Variants in ADAMTS10 observed in about 807,000 individuals in gnomAD.
ADAMTS10 encodes ADAM metallopeptidase with thrombospondin type 1 motif 10, also known as A disintegrin and metalloproteinase with thrombospondin motifs 10.
In ADAMTS10, 48 loss-of-function variants were observed where a neutral mutation model predicts 135.9. The ratio of observed to expected loss-of-function variants is 0.35; its 90% CI spans 0.28 to 0.45. The LOEUF (loss-of-function observed/expected upper bound fraction) is 0.45. Among genes scored for constraint, ADAMTS10 ranks in the 20% least tolerant of loss-of-function variants. The pLI is 1.00. For synonymous variants in ADAMTS10, 621 were observed against 647.5 expected, an observed-to-expected ratio of 0.96 and a Z score of 0.62; for missense variants, 1,131 against 1,565.2, an observed-to-expected ratio of 0.72 and a Z score of 4.68.
At chr19:8,598,092 G>A (rs147582190) in intron 6 of ADAMTS10, among the ~76,000 whole-genome samples, 137 of 152,266 alleles carry the variant, frequency 9.0e-4, no homozygotes, top group African/African-American at 3.2e-3. Context: ...GGGATCACAG[G>A]TGTGAGCCAC....
In ADAMTS10 at chr19:8,605,592, C is replaced by T. The variant is rs1555742438; in HGVS notation, c.88+31G>A. 10 of 1,608,894 alleles carry T rather than the reference C, an allele frequency of 6.2e-6. No homozygotes were observed. Among genetic ancestry groups the T allele is most frequent in the Non-Finnish European group, 8.5e-6 (10 of 1,178,100 alleles). ...ACTGGTCTCTTACATTTTTCGCTCC[C>T]TCCCCACCGCCACCACCAGACTTCC... On this transcript the variant is annotated intron_variant, in intron 3 of 25. Coordinates refer to ENST00000597188, the MANE Select transcript of ADAMTS10 (RefSeq NM_030957.4). This position sits in a 1 kb window ranked among gnomAD's most constrained non-coding sequence, Gnocchi z 7.7.
chr19:8,588,255 AT>A lies in ADAMTS10; in HGVS notation c.2158+986del, dbSNP rs1205105884. Among the ~76,000 whole-genome samples the A allele has an allele frequency of 5.5e-3, 816 of 147,658 alleles. 1 individual carries two copies. Among genetic ancestry groups the A allele is most frequent in the African/African-American group, 0.018 (742 of 40,384 alleles). On this transcript the variant is annotated intron_variant, in intron 18 of 25. Coordinates refer to ENST00000597188, the MANE Select transcript of ADAMTS10 (RefSeq NM_030957.4). ...AGATTGAGACTCTGTCTCAAAAAAA[AT>A]TTTTTTTTTTGTAGAGTTGGGGTCT... is the stretch of plus-strand genomic sequence containing the variant.
chr19:8,592,196 T>C, intron 13 of ADAMTS10, 93 bp from the exon 14 acceptor site: 4 of 1,349,722 alleles, frequency 3.0e-6, no homozygotes, highest in South Asian at 1.4e-5. Context: ...CAGCCAGAGA[T>C]ATCAGCCTCT....
At chr19:8,588,484 C>T (rs1216246760) in intron 18 of ADAMTS10, among the ~76,000 whole-genome samples, 1 of 152,086 alleles carries the variant, frequency 6.6e-6, no homozygotes, top group African/African-American at 2.4e-5. Flanking sequence ...CCTGCCTCAC[C>T]TGGACACACT....
At chr19:8,597,681 C>T (rs940796374) in intron 6 of ADAMTS10, among the ~76,000 whole-genome samples, 5 of 152,100 alleles carry the variant, frequency 3.3e-5, no homozygotes, top group Non-Finnish European at 5.9e-5. Flanking sequence ...CGCTCTGTTG[C>T]CCAGGCTGCA....
intron 6 of ADAMTS10, among the ~76,000 whole-genome samples, chr19:8,600,714 G>C (rs999192672): frequency 1.3e-5 from 2 of 151,878 alleles, no homozygotes; most frequent in South Asian, 2.1e-4. Context: ...TAGCCAGGAT[G>C]GTCTCCATCT....
chr19:8,600,390 C>T lies in ADAMTS10; in HGVS notation c.810+538G>A, dbSNP rs1600114919. On this transcript the variant is annotated intron_variant, in intron 6 of 25. Coordinates refer to ENST00000597188, the MANE Select transcript of ADAMTS10 (RefSeq NM_030957.4). Reference sequence around the variant, plus strand: ...TAGTCACTGTGCTTATGCTCTTTCTCCTCCTCGTTCATTGCCATATGCAAC... The same window carrying T: ...TAGTCACTGTGCTTATGCTCTTTCTTCTCCTCGTTCATTGCCATATGCAAC... Among the ~76,000 whole-genome samples the T allele has an allele frequency of 3.3e-5, 5 of 152,278 alleles. No individual in the cohort carries two copies. In the East Asian group the frequency reaches 9.7e-4, roughly 29 times the overall value.
At chr19:8,597,414 AC>A (rs1361440507) in intron 6 of ADAMTS10, 97 bp from the exon 7 acceptor site, 3 of 1,097,320 alleles carry the variant, frequency 2.7e-6, no homozygotes, top group Non-Finnish European at 4.1e-6. Flanking sequence ...TTCATCAGGC[AC>A]CTACTGTGTG....
rs1346617238 is a variant in ADAMTS10, at chr19:8,601,740, G to A, written c.593-595C>T. Among the ~76,000 whole-genome samples, 3 of 152,022 alleles carry A rather than the reference G, an allele frequency of 2.0e-5. No homozygotes were observed. Among genetic ancestry groups the A allele is most frequent in the African/African-American group, 7.2e-5 (3 of 41,394 alleles). ...CAGTGTCCTACTACCTGAGAATATT[G>A]TAGTCTACCATGATGTCACTGTCCC... On this transcript the variant is annotated intron_variant, in intron 5 of 25. Transcript: ENST00000597188. This position sits in a 1 kb window ranked among gnomAD's most constrained non-coding sequence, Gnocchi z 4.6.
Position 8,601,885 on chromosome 19 carries a change from AACTGAACACTTGCATG to A in ADAMTS10, c.593-756_593-741del, listed in dbSNP as rs1232827477. Among the ~76,000 whole-genome samples the A allele has an allele frequency of 6.6e-6, 1 of 152,094 alleles. No individual in the cohort carries two copies. The highest frequency in any genetic ancestry group is 1.5e-5 in the Non-Finnish European group (1 of 68,010). On this transcript the variant is annotated intron_variant, in intron 5 of 25. Coordinates refer to ENST00000597188, the MANE Select transcript of ADAMTS10 (RefSeq NM_030957.4). This position sits in a 1 kb window ranked among gnomAD's most constrained non-coding sequence, Gnocchi z 4.6. ...AGCCTGCCCCGCTGCCCAAATGTCCAACTGAACACTTGCATGACTGTCCCACAGCTAAGCTGGTTGG... is the reference window on the plus strand; with the variant it reads ...AGCCTGCCCCGCTGCCCAAATGTCCAACTGTCCCACAGCTAAGCTGGTTGG...
intron 6 of ADAMTS10, among the ~76,000 whole-genome samples, chr19:8,599,201 GGT>G (rs2042637062): frequency 6.6e-6 from 1 of 152,068 alleles, no homozygotes; most frequent in Non-Finnish European, 1.5e-5. Context: ...TATATCTGAA[GGT>G]GGGTTGGGGA....
Position 8,603,834 on chromosome 19 carries a change from G to A in ADAMTS10, c.486C>T (p.His162=), listed in dbSNP as rs371004693. The change falls in exon 5 of 26, where the codon CAC becomes CAT. Residue 162 remains histidine (H), a synonymous_variant. Coordinates refer to ENST00000597188, the MANE Select transcript of ADAMTS10 (RefSeq NM_030957.4). The stretch of plus-strand genomic sequence containing the variant: ...GGCTCCGAGAACCCTTGGGCCCACC[G>A]TGCAGGGGCTCAATCAGGTACTCTT... ...DEEEYLIEPL[H]GGPKGSRSPE... 1.7e-5 allele frequency: 28 copies of A among 1,613,904 alleles called. No individual in the cohort carries two copies. Among genetic ancestry groups the A allele is most frequent in the Middle Eastern group, 3.3e-4 (2 of 6,082 alleles).
rs1555742527 is a variant in ADAMTS10, at chr19:8,605,773, C to T, written c.-63G>A. The T allele has an allele frequency of 6.5e-7, 1 of 1,548,714 alleles. No homozygotes were observed. Among genetic ancestry groups the T allele is most frequent in the East Asian group, 2.4e-5 (1 of 41,776 alleles). Reference sequence around the variant, plus strand: ...CTGCCGGCAGCCCCCACAGTGCCGCCTCCCCTGTTCACAGCCTTCGCAGCA... The same window carrying T: ...CTGCCGGCAGCCCCCACAGTGCCGCTTCCCCTGTTCACAGCCTTCGCAGCA... On this transcript the variant is annotated 5_prime_UTR_variant, in exon 3 of 26. Coordinates refer to ENST00000597188, the MANE Select transcript of ADAMTS10 (RefSeq NM_030957.4). The surrounding 1 kb of genome is among the most constrained non-coding windows in gnomAD (Gnocchi z 7.7).
At chr19:8,606,794 G>A (rs1453623399) in intron 2 of ADAMTS10, among the ~76,000 whole-genome samples, 1 of 152,142 alleles carries the variant, frequency 6.6e-6, no homozygotes, top group African/African-American at 2.4e-5. Context: ...TGACAGCCAG[G>A]CATGCTAAGG....
chr19:8,592,560 CA>C lies in ADAMTS10; in HGVS notation c.1587+202del, dbSNP rs536008751. On this transcript the variant is annotated intron_variant, in intron 13 of 25. Coordinates refer to ENST00000597188, the MANE Select transcript of ADAMTS10 (RefSeq NM_030957.4). ...GTTAAACAGTAGGCGTGGCCAGAAC[CA>C]AGGGACGCATAGACGGTGGGCGTGG... Among the ~76,000 whole-genome samples the C allele has an allele frequency of 2.7e-5, 4 of 149,386 alleles. No individual in the cohort carries two copies. In the South Asian group the frequency reaches 8.5e-4, roughly 32 times the overall value.
chr19:8,584,442 T>A (rs2042395776), intron 25 of ADAMTS10, among the ~76,000 whole-genome samples: 1 of 151,294 alleles, frequency 6.6e-6, no homozygotes, highest in Admixed American at 6.6e-5. Flanking sequence ...AGCCCAGGAG[T>A]TGGAGACCAG....
At chr19:8,597,460 TTGTTGC>T (rs1227613851) in intron 6 of ADAMTS10, 143 bp from the exon 7 acceptor site, 11 of 749,128 alleles carry the variant, frequency 1.5e-5, no homozygotes, top group Admixed American at 1.3e-4. Flanking sequence ...TTAGGGTTTT[TTGTTGC>T]TGTTGTTGTT....
At chr19:8,603,335 C>T (rs782081911) in intron 5 of ADAMTS10, among the ~76,000 whole-genome samples, 24 of 152,072 alleles carry the variant, frequency 1.6e-4, no homozygotes, top group Admixed American at 3.3e-4. Flanking sequence ...GGTGCAATGG[C>T]GTGATCTCTG....
Position 8,601,077 on chromosome 19 carries a change from C to G in ADAMTS10, c.661G>C (p.Gly221Arg), listed in dbSNP as rs1287334673. Residue 221 changes from glycine to arginine, a missense_variant, in exon 6 of 26, where the codon GGG (glycine) becomes CGG (arginine). Around this residue, in one of 3 missense-constraint regions of ADAMTS10, gnomAD observed 306 missense variants for 344.4 expected, o/e 0.89. Transcript: ENST00000597188. This position sits in a 1 kb window ranked among gnomAD's most constrained non-coding sequence, Gnocchi z 4.6. ...GGCTGGCCACGCTCTGTTTCATTCC[C>G]CAGGGGCCTGGCAGGCGGTGGCTTC... ...TLKPPPARPL[G>R]NETERGQPGL... is the part of the protein sequence containing the mutation. 6.2e-7 allele frequency: 1 copy of G among 1,614,028 alleles called. No individual in the cohort carries two copies. The highest frequency in any genetic ancestry group is 2.2e-5 in the East Asian group (1 of 44,896).
Sources: gnomAD v4.1 joint callset for allele counts (sites outside exome capture counted in the v4.1 genomes callset) on GRCh38, gnomAD v4.1.1 for gene constraint, gnomAD v4.1.1 regional missense constraint, Gnocchi (gnomAD v3.1) non-coding constraint, MANE v1.5 for transcripts, NCBI Gene and HGNC (gene_info 2026-07-23, HGNC 2026-07-21) for gene names.